Variants in GK observed in about 807,000 individuals in gnomAD.
GK encodes the protein glycerol kinase, also known as ATP:glycerol 3-phosphotransferase.
In GK, 9 loss-of-function variants were observed where a neutral mutation model predicts 56.4. The ratio of observed to expected loss-of-function variants is 0.16; its 90% confidence interval spans 0.10 to 0.28. The LOEUF is 0.28. Ranked by LOEUF, GK falls within the 10% of genes least tolerant of loss-of-function variation. The pLI is 1.00. For synonymous variants in GK, 104 were observed against 144.1 expected (o/e 0.72, Z 1.99); for missense variants, 161 against 431.4 (o/e 0.37, Z 5.55).
At chrX:30,717,690 G>A (rs950188184) in intron 13 of GK, among the ~76,000 whole-genome samples, 2 of 112,094 alleles carry the variant, frequency 1.8e-5, no homozygotes, top group Non-Finnish European at 3.8e-5. Context: ...ATACTCCATT[G>A]TGTAGACATA....
chrX:30,703,239 G>A (rs777227602), intron 11 of GK, among the ~76,000 whole-genome samples: 21 of 111,993 alleles, frequency 1.9e-4, no homozygotes, highest in African/African-American at 6.2e-4. Flanking sequence ...TATAAAGCTA[G>A]GATCATGTTG....
At chrX:30,672,384 A>T (rs1569147335) in intron 3 of GK, among the ~76,000 whole-genome samples, 2 of 110,761 alleles carry the variant, frequency 1.8e-5, no homozygotes, top group Admixed American at 9.7e-5. Flanking sequence ...ACCACCTCTT[A>T]GACTCATACT....
chrX:30,654,894 CTG>C (rs1301808802), intron 1 of GK, among the ~76,000 whole-genome samples: 1 of 111,495 alleles, frequency 9.0e-6, no homozygotes, highest in East Asian at 2.8e-4. Context: ...TCATGTTTTC[CTG>C]TGTTATTTAG....
chrX:30,684,295 TG>T (rs1226077222), intron 4 of GK, among the ~76,000 whole-genome samples: 2 of 112,225 alleles, frequency 1.8e-5, no homozygotes, highest in Non-Finnish European at 3.8e-5. Context: ...TTGATTGGTA[TG>T]TATGGTAAGT....
chrX:30,718,820 T>C (rs1348281917), intron 14 of GK, among the ~76,000 whole-genome samples: 2 of 111,815 alleles, frequency 1.8e-5, no homozygotes, highest in East Asian at 5.6e-4. Flanking sequence ...TGGTTGTTAA[T>C]AAACTGGCAA....
intron 9 of GK, among the ~76,000 whole-genome samples, chrX:30,699,288 GT>G (rs1343857575): frequency 3.2e-5 from 3 of 93,083 alleles, no homozygotes; most frequent in Non-Finnish European, 6.3e-5. Flanking sequence ...TATACAACAT[GT>G]TATACATAAC....
intron 11 of GK, among the ~76,000 whole-genome samples, chrX:30,702,511 T>G (rs1935744254): frequency 8.9e-6 from 1 of 112,631 alleles, no homozygotes; most frequent in Non-Finnish European, 1.9e-5. Context: ...ATGATATCAT[T>G]TAATCCACAT....
chrX:30,683,440 G>T (rs1198393999), intron 4 of GK, among the ~76,000 whole-genome samples: 1 of 111,107 alleles, frequency 9.0e-6, no homozygotes, highest in Non-Finnish European at 1.9e-5. Flanking sequence ...GGCCTCCTTT[G>T]TTTATGGCTC....
At chrX:30,675,198 A>ATTT (rs769468628) in intron 3 of GK, among the ~76,000 whole-genome samples, 4 of 101,019 alleles carry the variant, frequency 4.0e-5, no homozygotes, top group Admixed American at 2.2e-4. Context: ...ACAAAAAATG[A>ATTT]TTTTTTTTTT....
chrX:30,654,882 A>G (rs1398653893), intron 1 of GK, among the ~76,000 whole-genome samples: 2 of 112,463 alleles, frequency 1.8e-5, no homozygotes, highest in Non-Finnish European at 3.8e-5. Context: ...CTTTACCGCA[A>G]ATCATGTTTT....
At position 30,719,976 on chromosome X, in the gene GK, C is replaced by T. The variant is rs187090627; in HGVS notation, c.1152-35C>T. The T allele has an allele frequency of 2.4e-3, 2,147 of 912,395 alleles. 4 individuals are homozygous for T. The highest frequency in any genetic ancestry group is 3.2e-3 in the Non-Finnish European group (1,972 of 624,123). 75.2% of individuals were successfully genotyped at this position (912,395 alleles called of 1,213,427 possible). A position where few individuals can be genotyped will look rare whatever the true frequency, so the allele number is the denominator to read the frequency against. The stretch of plus-strand genomic sequence containing the variant: ...ATATTTCAAATTGATTGGTTTATAT[C>T]ATTCTAATCTGAAAATCTTTGTGCG... On this transcript the variant is annotated intron_variant, in intron 15 of 20. Coordinates refer to ENST00000427190, the MANE Select transcript of GK (RefSeq NM_001205019.2).
intron 11 of GK, among the ~76,000 whole-genome samples, chrX:30,704,364 C>T (rs1231215970): frequency 9.3e-6 from 1 of 107,753 alleles, no homozygotes; most frequent in Non-Finnish European, 1.9e-5. Flanking sequence ...TTCCTGGGCT[C>T]AAGCAATCCT....
intron 13 of GK, among the ~76,000 whole-genome samples, chrX:30,710,808 G>A (rs186111119): frequency 4.4e-4 from 48 of 110,238 alleles, no homozygotes; most frequent in African/African-American, 1.0e-3. Context: ...TTTCTTTTGC[G>A]TATACCCTCA....
intron 3 of GK, chrX:30,674,369 G>T: frequency 3.0e-6 from 1 of 330,723 alleles, no homozygotes; most frequent in Non-Finnish European, 5.9e-6. Flanking sequence ...CCTTCCTGTT[G>T]CTGTGCTTAA....
intron 11 of GK, 52 bp downstream of exon 11, chrX:30,700,957 T>C (rs775779825): frequency 2.5e-6 from 2 of 802,372 alleles, no homozygotes; most frequent in Non-Finnish European, 3.8e-6. Flanking sequence ...TTTTTCTACT[T>C]GGTGCTTTGA....
chrX:30,687,643 T>C (rs771515637), intron 4 of GK: 1 of 341,623 alleles, frequency 2.9e-6, no homozygotes, highest in South Asian at 2.6e-5. Context: ...TATTGCTCAC[T>C]TCCCAGCCTC....
chrX:30,688,910 G>A (rs1450461366), intron 4 of GK, among the ~76,000 whole-genome samples: 1 of 112,209 alleles, frequency 8.9e-6, no homozygotes, highest in Non-Finnish European at 1.9e-5. Flanking sequence ...AAAAAAGCCT[G>A]GGGCAGTGGC....
rs919391588 is a variant in GK, at chrX:30,668,137, T to C, written c.259+19T>C. 7.3e-6 allele frequency: 6 copies of C among 817,581 alleles called. No homozygotes were observed. The highest frequency in any genetic ancestry group is 1.1e-5 in the Non-Finnish European group (6 of 535,730). 67.4% of individuals were successfully genotyped at this position (817,581 alleles called of 1,213,427 possible). A position where few individuals can be genotyped will look rare whatever the true frequency, so the allele number is the denominator to read the frequency against. ...ATAAAAGGTATTTTAGTAGAATATT[T>C]TACCCACATAATAAGACTCTCTCAA... On this transcript the variant is annotated intron_variant, in intron 3 of 20. Coordinates refer to ENST00000427190, the MANE Select transcript of GK (RefSeq NM_001205019.2).
In GK at chrX:30,718,615, T is replaced by C; in HGVS notation, c.1053T>C (p.Ile351=). The C allele has an allele frequency of 9.0e-7, 1 of 1,107,950 alleles. No individual in the cohort carries two copies. The highest frequency in any genetic ancestry group is 1.2e-6 in the Non-Finnish European group (1 of 801,004). 91.3% of individuals were successfully genotyped at this position (1,107,950 alleles called of 1,213,427 possible). A position where few individuals can be genotyped will look rare whatever the true frequency, so the allele number is the denominator to read the frequency against. ...GAATTATAAAGACCTCAGAAGAAAT[T>C]GGTGAGTGTGTTCTAACAAAAGGTT... is the stretch of plus-strand genomic sequence containing the variant. ...NLGIIKTSEE[I]EKLAKEVGTS... The change falls in exon 14 of 21, where the codon ATT becomes ATC. Residue 351 remains isoleucine (I), a splice_region_variant and synonymous_variant. Coordinates refer to ENST00000427190, the MANE Select transcript of GK (RefSeq NM_001205019.2).
Sources: allele counts gnomAD v4.1 joint callset (sites outside exome capture counted in the v4.1 genomes callset), GRCh38; gene constraint gnomAD v4.1.1; transcripts MANE v1.5; gene names NCBI Gene and HGNC (gene_info 2026-07-23, HGNC 2026-07-21).